Variants in PLD1 observed in about 807,000 individuals in gnomAD.
PLD1 encodes phospholipase D1, also known as choline phosphatase 1.
PLD1 carries 112 observed loss-of-function variants against 137.1 expected under a neutral mutation model. The ratio of observed to expected loss-of-function variants is 0.82; its 90% CI spans 0.70 to 0.96. The LOEUF is 0.96. PLD1 is among the 40% of genes least tolerant of loss of function. The probability of loss-of-function intolerance (pLI) is 0.00; values close to 1 mark genes in which losing one functional copy is unlikely to be tolerated. For missense variants in PLD1, 1,321 were observed against 1,342.0 expected (o/e 0.98, Z 0.24); for synonymous variants, 431 against 454.7 (o/e 0.95, Z 0.66).
chr3:171,683,251 C>T (rs1328368201), intron 16 of PLD1, among the ~76,000 whole-genome samples: 1 of 152,166 alleles, frequency 6.6e-6, no homozygotes, highest in Non-Finnish European at 1.5e-5. Context: ...TGCAGAGTCA[C>T]CATTTGCCAC....
At chr3:171,716,032 G>A (rs1717662982) in intron 8 of PLD1, among the ~76,000 whole-genome samples, 1 of 151,686 alleles carries the variant, frequency 6.6e-6, no homozygotes, top group African/African-American at 2.4e-5. Context: ...TGGGTTTCCT[G>A]TTCCTGTGTT....
At position 171,601,502 on chromosome 3, in the gene PLD1, A is replaced by C. The variant is rs943673819; in HGVS notation, c.*1576T>G. 1.3e-5 allele frequency: 2 copies of C among 151,894 alleles called. No individual in the cohort carries two copies. The highest frequency in any genetic ancestry group is 2.9e-5 in the Non-Finnish European group (2 of 68,018). 9.4% of individuals were successfully genotyped at this position (151,894 alleles called of 1,614,324 possible). A position where few individuals can be genotyped will look rare whatever the true frequency, so the allele number is the denominator to read the frequency against. ...AAATAAGTTATTTACTTATAAAAAC[A>C]TTCATTTTTATTATTGGTTACAAAA... On this transcript the variant is annotated 3_prime_UTR_variant, in exon 27 of 27. Transcript: ENST00000351298.
intron 1 of PLD1, among the ~76,000 whole-genome samples, chr3:171,741,703 T>C (rs962034315): frequency 6.6e-6 from 1 of 152,232 alleles, no homozygotes; most frequent in Non-Finnish European, 1.5e-5. Context: ...TATTCTCGTT[T>C]TGAATTATAG....
intron 1 of PLD1, among the ~76,000 whole-genome samples, chr3:171,794,575 A>G (rs1181070126): frequency 6.6e-6 from 1 of 152,110 alleles, no homozygotes; most frequent in Admixed American, 6.6e-5. Context: ...CTGTTTTGCT[A>G]ATTGTCTAGG....
intron 11 of PLD1, among the ~76,000 whole-genome samples, chr3:171,708,301 AGC>A (rs1716857659): frequency 3.3e-5 from 5 of 152,214 alleles, no homozygotes; most frequent in African/African-American, 1.2e-4. Context: ...TCTCTAGAAC[AGC>A]TGACCAGGCC....
intron 16 of PLD1, among the ~76,000 whole-genome samples, chr3:171,686,438 T>A (rs575045736): frequency 6.6e-6 from 1 of 152,230 alleles, no homozygotes; most frequent in Non-Finnish European, 1.5e-5. Flanking sequence ...CATGACACTA[T>A]TGAATTGCAT....
chr3:171,767,396 G>C (rs1722054534), intron 1 of PLD1, among the ~76,000 whole-genome samples: 2 of 152,206 alleles, frequency 1.3e-5, no homozygotes, highest in South Asian at 4.1e-4. Context: ...GACACCAATG[G>C]CTTGCCTTGC....
chr3:171,714,096 G>C, intron 8 of PLD1, 51 bp from the exon 9 acceptor site: 1 of 1,115,988 alleles, frequency 9.0e-7, no homozygotes, highest in Non-Finnish European at 1.4e-6. Context: ...TAAATAAAAC[G>C]AGAAGAACTA....
intron 1 of PLD1, among the ~76,000 whole-genome samples, chr3:171,751,001 C>T (rs896684600): frequency 3.3e-5 from 5 of 151,964 alleles, no homozygotes; most frequent in African/African-American, 1.2e-4. Context: ...CCCCCCAAAA[C>T]AAACCTATTC....
At position 171,652,520 on chromosome 3, in the gene PLD1, T is replaced by C. The variant is rs527432733; in HGVS notation, c.2429+6693A>G. On this transcript the variant is annotated intron_variant, in intron 21 of 26. Transcript: ENST00000351298. ...TTTGGTACAAAATTATAGGATATGG[T>C]AATTATGGACATAGATTTTTCTTTA... Among the ~76,000 whole-genome samples the C allele has an allele frequency of 2.6e-5, 4 of 152,164 alleles. No homozygotes were observed. The East Asian group carries it at 7.7e-4, about 29-fold the overall frequency.
chr3:171,631,913 T>A (rs947747075), intron 23 of PLD1, among the ~76,000 whole-genome samples: 5 of 152,156 alleles, frequency 3.3e-5, no homozygotes, highest in Admixed American at 1.3e-4. Flanking sequence ...TGATAATTGA[T>A]TCACAGAATA....
In PLD1 at chr3:171,714,000, G is replaced by A. The variant is rs138256899; in HGVS notation, c.804C>T (p.Asp268=). 9.3e-6 allele frequency: 15 copies of A among 1,608,280 alleles called. No individual in the cohort carries two copies. The African/African-American group carries it at 1.9e-4, about 20-fold the overall frequency. Residue 268 remains aspartate (D), a synonymous_variant, in exon 9 of 27, where the codon GAC becomes GAT. Transcript: ENST00000351298. ...GCAGGACGAAGGCAATGGCACCGCTGTCTGGTTTCATATACAATAAAAAGG... is the reference window on the plus strand; with the variant it reads ...GCAGGACGAAGGCAATGGCACCGCTATCTGGTTTCATATACAATAAAAAGG... ...KDSFLLYMKP[D]SGAIAFVLLV... is the part of the protein sequence containing the mutation.
At chr3:171,683,613 A>G (rs1356061319) in intron 16 of PLD1, among the ~76,000 whole-genome samples, 1 of 152,166 alleles carries the variant, frequency 6.6e-6, no homozygotes, top group East Asian at 1.9e-4. Flanking sequence ...GTATTCTCCG[A>G]TGAGCCTTTA....
At chr3:171,635,252 G>A (rs1735007843) in intron 23 of PLD1, among the ~76,000 whole-genome samples, 1 of 152,062 alleles carries the variant, frequency 6.6e-6, no homozygotes, top group Non-Finnish European at 1.5e-5. Context: ...ATTTTTGTGT[G>A]GACATTTGTT....
At chr3:171,702,755 T>A (rs1387924261) in intron 11 of PLD1, among the ~76,000 whole-genome samples, 2 of 152,158 alleles carry the variant, frequency 1.3e-5, no homozygotes, top group African/African-American at 4.8e-5. Context: ...ACAGAATTTA[T>A]TAAACATTTA....
intron 1 of PLD1, among the ~76,000 whole-genome samples, chr3:171,808,466 G>A (rs569180053): frequency 6.6e-6 from 1 of 152,126 alleles, no homozygotes; most frequent in African/African-American, 2.4e-5. Flanking sequence ...AACCCGGGAG[G>A]TGGAGCTTGC....
intron 25 of PLD1, among the ~76,000 whole-genome samples, chr3:171,606,960 A>G (rs1160008163): frequency 5.9e-5 from 9 of 152,218 alleles, no homozygotes; most frequent in African/African-American, 2.2e-4. Context: ...ATACACTATT[A>G]AGCATGAATA....
intron 1 of PLD1, among the ~76,000 whole-genome samples, chr3:171,766,871 T>A (rs187925438): frequency 0.32 from 48,941 of 151,642 alleles, 8,295 homozygotes; most frequent in African/African-American, 0.39. Context: ...TGTTCTATAT[T>A]GTTAAAGGTT....
chr3:171,798,258 T>C (rs945028125), intron 1 of PLD1, among the ~76,000 whole-genome samples: 2 of 152,234 alleles, frequency 1.3e-5, no homozygotes, highest in Non-Finnish European at 1.5e-5. Context: ...TTCTAAACCA[T>C]TTTTGCATCA....
Sources: gnomAD v4.1 joint callset for allele counts (sites outside exome capture counted in the v4.1 genomes callset) on GRCh38, gnomAD v4.1.1 for gene constraint, MANE v1.5 for transcripts, NCBI Gene and HGNC (gene_info 2026-07-23, HGNC 2026-07-21) for gene names.